The following HSD17B3 variants were observed in gnomAD, a reference collection of about 807,000 sequenced individuals.
HSD17B3 encodes hydroxysteroid 17-beta dehydrogenase 3.
Under a neutral mutation model 41.1 loss-of-function variants are expected in HSD17B3, and 29 were observed. The observed-to-expected ratio is 0.71, with a 90% confidence interval of 0.53 to 0.96. The LOEUF (loss-of-function observed/expected upper bound fraction) is 0.96, where lower values mean the gene tolerates loss of function less well. Among genes scored for constraint, HSD17B3 ranks in the 40% least tolerant of loss-of-function variants. The probability of loss-of-function intolerance (pLI) is 0.00; values close to 1 mark genes in which losing one functional copy is unlikely to be tolerated. For synonymous variants in HSD17B3, 126 were observed against 145.6 expected (o/e 0.87, Z 0.97); for missense variants, 323 against 374.6 (o/e 0.86, Z 1.14).
At chr9:96,240,664 G>T in intron 10 of HSD17B3, 94 bp downstream of exon 10, 1 of 1,254,284 alleles carries the variant, frequency 8.0e-7, no homozygotes, top group Non-Finnish European at 1.2e-6. Context: ...ATCAATGAGT[G>T]CTCCAGCAGC....
chr9:96,294,639 TGAA>T (rs1827279088), intron 2 of HSD17B3, among the ~76,000 whole-genome samples: 1 of 152,220 alleles, frequency 6.6e-6, no homozygotes, highest in Non-Finnish European at 1.5e-5. Flanking sequence ...AGAGGTAAGG[TGAA>T]GAACCTTTTG....
At chr9:96,235,610 T>A in intron 10 of HSD17B3, 40 bp from the exon 11 acceptor site, 1 of 1,499,674 alleles carries the variant, frequency 6.7e-7, no homozygotes, top group Non-Finnish European at 9.2e-7. Context: ...GAGGAAGGAA[T>A]AACAAGTACC....
intron 6 of HSD17B3, among the ~76,000 whole-genome samples, chr9:96,247,047 G>A (rs1055759466): frequency 1.2e-4 from 18 of 152,118 alleles, no homozygotes; most frequent in African/African-American, 3.9e-4. Flanking sequence ...AACCGCTTAC[G>A]CAGCCTGCAG....
intron 2 of HSD17B3, among the ~76,000 whole-genome samples, chr9:96,260,856 C>G (rs1349609514): frequency 1.3e-5 from 2 of 152,168 alleles, no homozygotes; most frequent in Non-Finnish European, 2.9e-5. Context: ...CTCTCTGCTG[C>G]CAAACTGTGA....
At chr9:96,255,001 G>T in intron 2 of HSD17B3, 58 bp from the exon 3 acceptor site, 1 of 1,433,502 alleles carries the variant, frequency 7.0e-7, no homozygotes, top group Non-Finnish European at 9.8e-7. Flanking sequence ...GGGAGGGCTT[G>T]TGTTAAGGTG....
chr9:96,254,639 C>G (rs1023855808), intron 3 of HSD17B3, among the ~76,000 whole-genome samples: 1 of 152,200 alleles, frequency 6.6e-6, no homozygotes, highest in Non-Finnish European at 1.5e-5. Flanking sequence ...GAGAGCAGAC[C>G]TATTTGTGCC....
chr9:96,253,100 C>T (rs1411118794), intron 3 of HSD17B3, among the ~76,000 whole-genome samples, 190 bp from the exon 4 acceptor site: 2 of 152,126 alleles, frequency 1.3e-5, no homozygotes, highest in African/African-American at 4.8e-5. Flanking sequence ...GTGGTTCCTA[C>T]GTGTCTCTAA....
In HSD17B3 at chr9:96,268,131, G is replaced by A. The variant is rs369598702; in HGVS notation, c.202-13188C>T. Among the ~76,000 whole-genome samples, 21 of 152,226 alleles carry A rather than the reference G, an allele frequency of 1.4e-4. No homozygotes were observed. In the East Asian group the frequency reaches 3.7e-3, roughly 27 times the overall value. Reference sequence around the variant, plus strand: ...GTAGTGATGGGGTTTTGCCATGTTGGCCAGGCTGGTCTCGAACTCCTGGCC... The same window carrying A: ...GTAGTGATGGGGTTTTGCCATGTTGACCAGGCTGGTCTCGAACTCCTGGCC... On this transcript the variant is annotated intron_variant, in intron 2 of 10. Coordinates refer to ENST00000375263, the MANE Select transcript of HSD17B3 (RefSeq NM_000197.2).
At chr9:96,260,688 C>T (rs1207303144) in intron 2 of HSD17B3, among the ~76,000 whole-genome samples, 1 of 152,100 alleles carries the variant, frequency 6.6e-6, no homozygotes, top group Non-Finnish European at 1.5e-5. Flanking sequence ...TCGCTTGAAT[C>T]CAGGAAGTGG....
intron 2 of HSD17B3, among the ~76,000 whole-genome samples, chr9:96,296,125 C>T (rs181985467): frequency 2.6e-5 from 4 of 152,188 alleles, no homozygotes; most frequent in Non-Finnish European, 4.4e-5. Flanking sequence ...GGCACACGCC[C>T]GTAGTCCCTG....
At chr9:96,262,347 C>G (rs531487110) in intron 2 of HSD17B3, among the ~76,000 whole-genome samples, 1 of 141,196 alleles carries the variant, frequency 7.1e-6, no homozygotes, top group African/African-American at 2.6e-5. Flanking sequence ...CAGGTTCAAG[C>G]AGTTCTCTGC....
intron 2 of HSD17B3, among the ~76,000 whole-genome samples, chr9:96,280,747 A>G (rs1026273717): frequency 6.6e-5 from 10 of 152,214 alleles, no homozygotes; most frequent in Non-Finnish European, 5.9e-5. Context: ...GTAAGAGGTC[A>G]ACACAAAATA....
At chr9:96,242,801 C>A (rs1836506924) in intron 9 of HSD17B3, among the ~76,000 whole-genome samples, 1 of 152,186 alleles carries the variant, frequency 6.6e-6, no homozygotes, top group African/African-American at 2.4e-5. Context: ...TGCTGAGGGT[C>A]ACATGGCTAG....
Position 96,247,756 on chromosome 9 carries a change from G to A in HSD17B3, c.490-1166C>T, listed in dbSNP as rs552499878. ...CCTGTTGGCTGAATGATCCCAATGA[G>A]AGAGACAACACTGAATCTCGTGGGT... On this transcript the variant is annotated intron_variant, in intron 6 of 10. Coordinates refer to ENST00000375263, the MANE Select transcript of HSD17B3 (RefSeq NM_000197.2). Among the ~76,000 whole-genome samples, 224 of 152,306 alleles carry A rather than the reference G, an allele frequency of 1.5e-3. 1 individual carries two copies. The highest frequency in any genetic ancestry group is 4.7e-3 in the African/African-American group (197 of 41,542).
At chr9:96,280,734 G>A (rs899119935) in intron 2 of HSD17B3, among the ~76,000 whole-genome samples, 6 of 152,168 alleles carry the variant, frequency 3.9e-5, no homozygotes, top group African/African-American at 1.2e-4. Context: ...GTCACAGGGT[G>A]AGGTAAGAGG....
chr9:96,293,170 T>C (rs1170703575), intron 2 of HSD17B3, among the ~76,000 whole-genome samples: 1 of 152,238 alleles, frequency 6.6e-6, no homozygotes, highest in Admixed American at 6.5e-5. Context: ...GTGAACATTG[T>C]GTTTCAACTT....
At chr9:96,288,799 G>C (rs983802944) in intron 2 of HSD17B3, among the ~76,000 whole-genome samples, 1 of 152,040 alleles carries the variant, frequency 6.6e-6, no homozygotes, top group South Asian at 2.1e-4. Flanking sequence ...TTAGCCAGGC[G>C]TGGTGTGGGC....
At chr9:96,270,211 C>CAT (rs1826189667) in intron 2 of HSD17B3, among the ~76,000 whole-genome samples, 1 of 151,686 alleles carries the variant, frequency 6.6e-6, no homozygotes, top group Non-Finnish European at 1.5e-5. Context: ...CTATGCATTA[C>CAT]ATACACTCTT....
intron 2 of HSD17B3, among the ~76,000 whole-genome samples, chr9:96,285,307 G>T (rs540686154): frequency 6.6e-6 from 1 of 152,142 alleles, no homozygotes; most frequent in Non-Finnish European, 1.5e-5. Flanking sequence ...TATGGTACAC[G>T]TGTATCAAAT....
Sources: allele counts gnomAD v4.1 joint callset (sites outside exome capture counted in the v4.1 genomes callset), GRCh38; gene constraint gnomAD v4.1.1; transcripts MANE v1.5; gene names NCBI Gene and HGNC (gene_info 2026-07-23, HGNC 2026-07-21).